SH2B3: variants seen among roughly 807,000 people sequenced by gnomAD.
SH2B3 encodes the protein SH2B adaptor protein 3.
Under a neutral mutation model 51.9 loss-of-function variants are expected in SH2B3, and 43 were observed. The observed-to-expected ratio is 0.83, with a 90% confidence interval of 0.65 to 1.07. The LOEUF (loss-of-function observed/expected upper bound fraction) is 1.07, where lower values mean the gene tolerates loss of function less well. Among genes scored for constraint, SH2B3 ranks in the 50% least tolerant of loss-of-function variants. The pLI, the probability that SH2B3 is intolerant of heterozygous loss-of-function variation, is 0.00. For synonymous variants in SH2B3, 396 were observed against 376.0 expected (o/e 1.05, Z -0.62); for missense variants, 952 against 834.3 (o/e 1.14, Z -1.74).
chr12:111,421,472 G>A (rs1291596643), intron 2 of SH2B3, among the ~76,000 whole-genome samples: 1 of 133,300 alleles, frequency 7.5e-6, no homozygotes, highest in Non-Finnish European at 1.5e-5. Flanking sequence ...GCAGTGGCTC[G>A]ATCTCAGCTT....
chr12:111,414,641 C>T (rs1242615908), intron 1 of SH2B3, among the ~76,000 whole-genome samples: 1 of 151,490 alleles, frequency 6.6e-6, no homozygotes, highest in Non-Finnish European at 1.5e-5. Context: ...CCATCGAGGG[C>T]AGAGGCACCT....
At chr12:111,430,239 C>T (rs113879732) in intron 2 of SH2B3, among the ~76,000 whole-genome samples, 9 of 152,214 alleles carry the variant, frequency 5.9e-5, no homozygotes, top group South Asian at 2.1e-4. Context: ...CACACACTGC[C>T]GCCCCATCTG....
chr12:111,444,652 C>G (rs1374517973), intron 2 of SH2B3: 1 of 774,988 alleles, frequency 1.3e-6, no homozygotes, highest in Non-Finnish European at 1.6e-6. Context: ...GCTGCTGACA[C>G]AGCCCCCAGG....
In SH2B3 at chr12:111,447,834, C is replaced by A; in HGVS notation, c.1408+7C>A. 1.2e-6 allele frequency: 2 copies of A among 1,611,030 alleles called. No individual in the cohort carries two copies. Among genetic ancestry groups the A allele is most frequent in the South Asian group, 2.2e-5 (2 of 90,880 alleles). ...GTCGTCTCCCAACCACCAGGTCTGACCCTACTGCCCTTTGCTGAAGGGGGT... is the reference window on the plus strand; with the variant it reads ...GTCGTCTCCCAACCACCAGGTCTGAACCTACTGCCCTTTGCTGAAGGGGGT... On this transcript the variant is annotated splice_region_variant and intron_variant, in intron 7 of 7. Coordinates refer to ENST00000341259, the MANE Select transcript of SH2B3 (RefSeq NM_005475.3).
chr12:111,413,504 C>T (rs1278600180), intron 1 of SH2B3, among the ~76,000 whole-genome samples: 3 of 152,180 alleles, frequency 2.0e-5, no homozygotes, highest in African/African-American at 4.8e-5. Flanking sequence ...GGTTCCCAGC[C>T]GTTGCCTGGG....
chr12:111,431,646 A>G (rs941969514), intron 2 of SH2B3, among the ~76,000 whole-genome samples: 2 of 152,144 alleles, frequency 1.3e-5, no homozygotes, highest in Non-Finnish European at 1.5e-5. Flanking sequence ...CAGTGGCGCC[A>G]TCTCGGCTCA....
intron 2 of SH2B3, among the ~76,000 whole-genome samples, chr12:111,420,404 C>T (rs1423198135): frequency 1.3e-5 from 2 of 148,268 alleles, no homozygotes; most frequent in Non-Finnish European, 3.0e-5. Flanking sequence ...TCTTTTCCTT[C>T]ACAGCTGGCT....
intron 2 of SH2B3, among the ~76,000 whole-genome samples, chr12:111,423,435 T>G (rs1871723511): frequency 3.9e-5 from 6 of 152,118 alleles, no homozygotes. Flanking sequence ...AGTGGCACGG[T>G]GTCAGCTCAC....
chr12:111,446,419 C>T (rs1350044747), intron 2 of SH2B3, among the ~76,000 whole-genome samples: 1 of 152,366 alleles, frequency 6.6e-6, no homozygotes, highest in East Asian at 1.9e-4. Flanking sequence ...CAGCTGCTAT[C>T]ACCTGGCTGG....
At chr12:111,416,374 C>A (rs970671175) in intron 1 of SH2B3, among the ~76,000 whole-genome samples, 1 of 152,176 alleles carries the variant, frequency 6.6e-6, no homozygotes, top group Non-Finnish European at 1.5e-5. Flanking sequence ...TCATAATATG[C>A]CTATGAAGTA....
At chr12:111,447,921 T>C in intron 7 of SH2B3, 62 bp from the exon 8 acceptor site, 1 of 1,551,808 alleles carries the variant, frequency 6.4e-7, no homozygotes, top group Admixed American at 1.7e-5. Flanking sequence ...TATCTTGTTC[T>C]GTGTCCTGTC....
rs1210105440 is a variant in SH2B3, at chr12:111,448,282, A to C, written c.1708A>C (p.Asn570His). Residue 570 changes from asparagine to histidine, a missense_variant, in exon 8 of 8, where the codon AAT (asparagine) becomes CAT (histidine). Asn to His is a moderately conservative substitution (Grantham distance 68, BLOSUM62 1). Coordinates refer to ENST00000341259, the MANE Select transcript of SH2B3 (RefSeq NM_005475.3). ...CCGGAGCCACCTGCGGGCCATAGAC[A>C]ATCAGTACACACCTCTCTGACCAGT... ...SSRSHLRAIDNQYTPL is the reference protein window; with the variant it reads ...SSRSHLRAIDHQYTPL 6.2e-7 allele frequency: 1 copy of C among 1,612,950 alleles called. No homozygotes were observed. The highest frequency in any genetic ancestry group is 1.7e-5 in the Admixed American group (1 of 59,946).
At position 111,447,046 on chromosome 12, in the gene SH2B3, G is replaced by A. The variant is rs773270275; in HGVS notation, c.926+13G>A. On this transcript the variant is annotated intron_variant, in intron 4 of 7. Coordinates refer to ENST00000341259, the MANE Select transcript of SH2B3 (RefSeq NM_005475.3). ...GCACAGGCCGAGGGTGAGGTCCTGG[G>A]CCCTCGTCCCTGGCACCACCTTTGC... is the stretch of plus-strand genomic sequence containing the variant. 26 of 1,612,274 alleles carry A rather than the reference G, an allele frequency of 1.6e-5. No homozygotes were observed. Among genetic ancestry groups the A allele is most frequent in the Admixed American group, 5.0e-5 (3 of 60,004 alleles).
In SH2B3 at chr12:111,447,238, AG is replaced by A. The variant is rs768029265; in HGVS notation, c.1021+21del. 1 of 1,597,494 alleles carries A rather than the reference AG, an allele frequency of 6.3e-7. No individual in the cohort carries two copies. The highest frequency in any genetic ancestry group is 8.6e-7 in the Non-Finnish European group (1 of 1,164,838). Reference sequence around the variant, plus strand: ...AACCAAGGTGGGTAAACCAATAGCTAGGCCATTGTCTTCTGGGTACGCTGGA... The same window carrying A: ...AACCAAGGTGGGTAAACCAATAGCTAGCCATTGTCTTCTGGGTACGCTGGA... On this transcript the variant is annotated intron_variant, in intron 5 of 7. Coordinates refer to ENST00000341259, the MANE Select transcript of SH2B3 (RefSeq NM_005475.3).
intron 2 of SH2B3, chr12:111,444,094 C>G (rs1873691635): frequency 6.6e-6 from 1 of 152,244 alleles, no homozygotes; most frequent in African/African-American, 2.4e-5. Flanking sequence ...ACTGCGGAAG[C>G]TGAGGCAGGA....
Position 111,438,316 on chromosome 12 carries a change from C to A in SH2B3, c.733-8437C>A, listed in dbSNP as rs972020917. Among the ~76,000 whole-genome samples the A allele has an allele frequency of 2.0e-5, 3 of 152,124 alleles. No individual in the cohort carries two copies. The highest frequency in any genetic ancestry group is 2.0e-4 in the Admixed American group (3 of 15,280). On this transcript the variant is annotated intron_variant, in intron 2 of 7. Transcript: ENST00000341259. This position sits in a 1 kb window ranked among gnomAD's most constrained non-coding sequence, Gnocchi z 4.2. ...ACTGTGTGATTTTGCCTCCCAGAGTCTGTAGCATGGGGGCTCCTGATGGTG... is the reference window on the plus strand; with the variant it reads ...ACTGTGTGATTTTGCCTCCCAGAGTATGTAGCATGGGGGCTCCTGATGGTG...
intron 1 of SH2B3, among the ~76,000 whole-genome samples, chr12:111,417,003 A>G (rs1355388687): frequency 6.6e-6 from 1 of 152,196 alleles, no homozygotes; most frequent in Non-Finnish European, 1.5e-5. Context: ...ACACATAAAC[A>G]TTAGTAGTTT....
At position 111,447,449 on chromosome 12, in the gene SH2B3, C is replaced by T. The variant is rs1874110301; in HGVS notation, c.1141C>T (p.Gln381Ter). The T allele has an allele frequency of 6.2e-7, 1 of 1,613,538 alleles. No homozygotes were observed. The highest frequency in any genetic ancestry group is 8.5e-7 in the Non-Finnish European group (1 of 1,179,842). The change falls in exon 6 of 8, where the codon CAG becomes TAG. Residue 381 changes from glutamine (Q) to a stop codon, truncating the protein, a stop_gained. Transcript: ENST00000341259. LOFTEE classifies it high-confidence loss of function. ...GAAAGCAGCTCAGCTGGTTCAGCTG[C>T]AGGGCCCTGATGCTCATGGAGTGTT... The part of the protein sequence containing the change: ...RVKAAQLVQL[Q>*]GPDAHGVFLV...
At chr12:111,424,061 G>A (rs769708938) in intron 2 of SH2B3, among the ~76,000 whole-genome samples, 4 of 152,212 alleles carry the variant, frequency 2.6e-5, no homozygotes, top group East Asian at 3.8e-4. Context: ...GCAGTGAGCT[G>A]AGATCGTGCT....
Sources: allele counts gnomAD v4.1 joint callset (sites outside exome capture counted in the v4.1 genomes callset), GRCh38; gene constraint gnomAD v4.1.1; non-coding constraint Gnocchi (gnomAD v3.1); transcripts MANE v1.5; gene names NCBI Gene and HGNC (gene_info 2026-07-23, HGNC 2026-07-21).